Variants in EPN2 observed in about 807,000 individuals in gnomAD.
EPN2 encodes the protein epsin-2.
In EPN2, 34 loss-of-function variants were observed where a neutral mutation model predicts 61.7. That is an observed-to-expected ratio of 0.55 (90% CI 0.42 to 0.73). The LOEUF (loss-of-function observed/expected upper bound fraction) is 0.73, where lower values mean the gene tolerates loss of function less well. Ranked by LOEUF, EPN2 falls within the 30% of genes least tolerant of loss-of-function variation. The probability of loss-of-function intolerance (pLI) is 0.00; values close to 1 mark genes in which losing one functional copy is unlikely to be tolerated. For missense variants in EPN2, 714 were observed against 839.2 expected (o/e 0.85, Z 1.84); for synonymous variants, 349 against 353.6 (o/e 0.99, Z 0.15).
intron 1 of EPN2, among the ~76,000 whole-genome samples, chr17:19,257,520 TCTC>T (rs962011659): frequency 8.5e-6 from 1 of 117,644 alleles, no homozygotes; most frequent in African/African-American, 5.6e-5. Flanking sequence ...TCTCTCTCTC[TCTC>T]TTTTTTTTTT....
chr17:19,285,613 C>A lies in EPN2; in HGVS notation c.596-7C>A. On this transcript the variant is annotated splice_region_variant and splice_polypyrimidine_tract_variant and intron_variant, in intron 3 of 10. Transcript: ENST00000314728. The surrounding 1 kb of genome is among the most constrained non-coding windows in gnomAD (Gnocchi z 4.5). ...TCTGTGTGTGTGTGTGTGTCCCTGC[C>A]CCACAGCGCCTGAGGCCTCGCTGTG... is the stretch of plus-strand genomic sequence containing the variant. 6.5e-7 allele frequency: 1 copy of A among 1,527,392 alleles called. No homozygotes were observed. Among genetic ancestry groups the A allele is most frequent in the South Asian group, 1.2e-5 (1 of 80,690 alleles). The allele number at this position is 1,527,392 out of a possible 1,614,324, so 94.6% of individuals were successfully genotyped here. A position where few individuals can be genotyped will look rare whatever the true frequency, so the allele number is the denominator to read the frequency against.
At chr17:19,332,191 G>A in intron 10 of EPN2, 123 bp downstream of exon 10, 1 of 742,856 alleles carries the variant, frequency 1.3e-6, no homozygotes, top group Non-Finnish European at 2.2e-6. Flanking sequence ...GGAATCTCTA[G>A]ATGATTACGT....
intron 1 of EPN2, among the ~76,000 whole-genome samples, chr17:19,265,447 G>T (rs561461420): frequency 3.2e-4 from 48 of 152,042 alleles, no homozygotes; most frequent in African/African-American, 1.1e-3. Flanking sequence ...ACTATTCGTT[G>T]GTGGTCATTA....
At chr17:19,326,994 T>C (rs1315717742) in intron 7 of EPN2, among the ~76,000 whole-genome samples, 1 of 152,242 alleles carries the variant, frequency 6.6e-6, no homozygotes, top group East Asian at 1.9e-4. Context: ...AAATAACTTT[T>C]CAGCCCACCA....
chr17:19,331,816 C>A, intron 9 of EPN2, 37 bp from the exon 10 acceptor site: 1 of 1,568,384 alleles, frequency 6.4e-7, no homozygotes, highest in Non-Finnish European at 8.8e-7. Context: ...GCTCTCCCTG[C>A]CACACTCACC....
intron 6 of EPN2, 140 bp downstream of exon 6, chr17:19,312,284 C>T (rs1026209122): frequency 1.5e-5 from 10 of 646,008 alleles, no homozygotes; most frequent in Admixed American, 7.6e-5. Flanking sequence ...CTGTAGTGAG[C>T]GAGAGCCAGG....
chr17:19,333,965 C>A lies in EPN2; in HGVS notation c.1637C>A (p.Ala546Asp), dbSNP rs1189071264. The A allele has an allele frequency of 4.5e-6, 7 of 1,542,036 alleles. No individual in the cohort carries two copies. The highest frequency in any genetic ancestry group is 6.1e-6 in the Non-Finnish European group (7 of 1,138,962). The change falls in exon 11 of 11, where the codon GCC (alanine) becomes GAC (aspartate). Residue 546 changes from alanine to aspartate, a missense_variant. Around this residue, in one of 2 missense-constraint regions of EPN2, gnomAD observed 410 missense variants for 421.8 expected, o/e 0.97. Transcript: ENST00000314728. ...CCTTCTGTCTCCCCAGGTGCTCCCG[C>A]CACCTCGGCCCCTGTTAACCCTTTC... Reference protein sequence around the residue: ...LNPFLAPGAPATSAPVNPFQV... With the variant: ...LNPFLAPGAPDTSAPVNPFQV...
chr17:19,288,597 G>GA (rs1188897524), intron 4 of EPN2, among the ~76,000 whole-genome samples: 7 of 152,138 alleles, frequency 4.6e-5, no homozygotes, highest in African/African-American at 1.7e-4. Context: ...GGGTGTTTGA[G>GA]AAAAGGCAGC....
At chr17:19,279,575 A>G (rs1474638206) in intron 1 of EPN2, among the ~76,000 whole-genome samples, 1 of 150,748 alleles carries the variant, frequency 6.6e-6, no homozygotes, top group Non-Finnish European at 1.5e-5. Context: ...AGTAGCTGGG[A>G]CTACAGGCGC....
At chr17:19,267,505 A>T (rs1168088548) in intron 1 of EPN2, among the ~76,000 whole-genome samples, 1 of 151,634 alleles carries the variant, frequency 6.6e-6, no homozygotes, top group Non-Finnish European at 1.5e-5. Flanking sequence ...AAGTAAGTTG[A>T]TGTGAAGAAA....
intron 4 of EPN2, among the ~76,000 whole-genome samples, chr17:19,301,599 C>T (rs966489666): frequency 6.6e-6 from 1 of 152,214 alleles, no homozygotes; most frequent in Non-Finnish European, 1.5e-5. Flanking sequence ...TCCAAAGCAC[C>T]TCTGACGGCT....
At chr17:19,331,752 TCAGG>T in intron 9 of EPN2, 97 bp from the exon 10 acceptor site, 2 of 995,594 alleles carry the variant, frequency 2.0e-6, no homozygotes, top group Middle Eastern at 2.1e-4. Flanking sequence ...CGTGGCGCTG[TCAGG>T]CAGGCATGTC....
rs555293872 is a variant in EPN2 at position 19,304,444 on chromosome 17, G to A, written c.767-5441G>A. On this transcript the variant is annotated intron_variant, in intron 4 of 10. Coordinates refer to ENST00000314728, the MANE Select transcript of EPN2 (RefSeq NM_014964.5). ...GTGCTGGCTCCCTAGCCCCTCCCTC[G>A]AAGTAGGTCAGCCCAGCAGAAAGCA... 7.9e-5 allele frequency among the ~76,000 whole-genome samples: 12 copies of A among 152,350 alleles called. No individual in the cohort carries two copies. The South Asian group carries it at 2.1e-3, about 26-fold the overall frequency.
intron 4 of EPN2, among the ~76,000 whole-genome samples, chr17:19,301,956 A>G (rs1258544964): frequency 6.6e-6 from 1 of 152,226 alleles, no homozygotes; most frequent in Non-Finnish European, 1.5e-5. Context: ...GCTAGGAGCA[A>G]GCGTGGGGCA....
chr17:19,335,989 T>G lies in EPN2; in HGVS notation c.*1735T>G, dbSNP rs534468050. The G allele has an allele frequency of 1.3e-5, 2 of 152,582 alleles. No individual in the cohort carries two copies. Among genetic ancestry groups the G allele is most frequent in the African/African-American group, 4.8e-5 (2 of 41,474 alleles). The allele number at this position is 152,582 out of a possible 1,614,324, so 9.5% of individuals were successfully genotyped here. A position where few individuals can be genotyped will look rare whatever the true frequency, so the allele number is the denominator to read the frequency against. On this transcript the variant is annotated 3_prime_UTR_variant, in exon 11 of 11. Coordinates refer to ENST00000314728, the MANE Select transcript of EPN2 (RefSeq NM_014964.5). ...CTAGCTCTAAGGGCAGCTGACCACC[T>G]GCCAGCCCCTCTCTGGTTCCAGAAG... is the stretch of plus-strand genomic sequence containing the variant.
At chr17:19,276,234 C>G (rs945898651) in intron 1 of EPN2, among the ~76,000 whole-genome samples, 2 of 152,076 alleles carry the variant, frequency 1.3e-5, no homozygotes, top group African/African-American at 2.4e-5. Flanking sequence ...TTCACCCAGG[C>G]TGGAGTGCAG....
chr17:19,265,586 G>A (rs1327233862), intron 1 of EPN2, among the ~76,000 whole-genome samples: 1 of 152,116 alleles, frequency 6.6e-6, no homozygotes, highest in African/African-American at 2.4e-5. Context: ...CCCTTTCTTG[G>A]ACTTGGCCGA....
chr17:19,256,698 A>G (rs906154466), intron 1 of EPN2, among the ~76,000 whole-genome samples: 4 of 152,090 alleles, frequency 2.6e-5, no homozygotes, highest in Admixed American at 6.5e-5. Flanking sequence ...CACAGGAGAG[A>G]GACTCAGCTC....
chr17:19,278,613 G>A (rs1261252673), intron 1 of EPN2, among the ~76,000 whole-genome samples: 1 of 152,212 alleles, frequency 6.6e-6, no homozygotes, highest in Non-Finnish European at 1.5e-5. Context: ...TTGAGATTTG[G>A]GTGGGGACAC....
Sources: allele counts gnomAD v4.1 joint callset (sites outside exome capture counted in the v4.1 genomes callset), GRCh38; gene constraint gnomAD v4.1.1; regional missense constraint gnomAD v4.1.1; non-coding constraint Gnocchi (gnomAD v3.1); transcripts MANE v1.5; gene names NCBI Gene and HGNC (gene_info 2026-07-23, HGNC 2026-07-21).